Variants in DES observed in about 807,000 individuals in gnomAD.
DES encodes the protein desmin.
Under a neutral mutation model 55.1 loss-of-function variants are expected in DES, and 34 were observed. The observed-to-expected ratio is 0.62, with a 90% CI of 0.47 to 0.82. DES has a LOEUF of 0.82. Ranked by LOEUF, DES falls within the 40% of genes least tolerant of loss-of-function variation. The pLI is 0.00. For missense variants in DES, 596 were observed against 645.9 expected (o/e 0.92, Z 0.84); for synonymous variants, 259 against 270.8 (o/e 0.96, Z 0.43).
At position 219,419,924 on chromosome 2, in the gene DES, G is replaced by A; in HGVS notation, c.579-171G>A. On this transcript the variant is annotated intron_variant, in intron 1 of 8. Transcript: ENST00000373960. The surrounding 1 kb of genome is among the most constrained non-coding windows in gnomAD (Gnocchi z 4.3). Reference sequence around the variant, plus strand: ...GGGCAGAGATTGGGCCACTTCCTGTGCCCTCCCTGGGTGGGTGGGGCCTCT... The same window carrying A: ...GGGCAGAGATTGGGCCACTTCCTGTACCCTCCCTGGGTGGGTGGGGCCTCT... 1.4e-6 allele frequency: 1 copy of A among 708,770 alleles called. No individual in the cohort carries two copies. Among genetic ancestry groups the A allele is most frequent in the Non-Finnish European group, 2.6e-6 (1 of 391,406 alleles). 43.9% of individuals were successfully genotyped at this position (708,770 alleles called of 1,614,324 possible).
chr2:219,420,842 C>T lies in DES; in HGVS notation c.912C>T (p.Thr304=), dbSNP rs778826152. 2.2e-5 allele frequency: 35 copies of T among 1,613,550 alleles called. No homozygotes were observed. The East Asian group carries it at 7.8e-4, about 36-fold the overall frequency. ...TCTGCCCTTAGGTGTCAGACCTGAC[C>T]CAGGCAGCCAACAAGAACAACGACG... ...EWYKSKVSDL[T]QAANKNNDAL... is the part of the protein sequence containing the mutation. Residue 304 remains threonine (T), a synonymous_variant, in exon 5 of 9, where the codon ACC becomes ACT. Transcript: ENST00000373960. This position sits in a 1 kb window ranked among gnomAD's most constrained non-coding sequence, Gnocchi z 6.0.
In DES at chr2:219,423,814, T is replaced by G. The variant is rs758247019; in HGVS notation, c.1282T>G (p.Phe428Val). 1 of 1,613,866 alleles carries G rather than the reference T, an allele frequency of 6.2e-7. No individual in the cohort carries two copies. Among genetic ancestry groups the G allele is most frequent in the Non-Finnish European group, 8.5e-7 (1 of 1,179,828 alleles). ...LPIQTYSALN[F>V]RETSPEQRGS... The stretch of plus-strand genomic sequence containing the variant: ...CATCCAGACCTACTCTGCCCTCAAC[T>G]TCCGAGGTGAGTGTCTGCTGGCAGG... Residue 428 changes from phenylalanine (F) to valine (V), a missense_variant, in exon 7 of 9, where the codon TTC becomes GTC. Transcript: ENST00000373960.
chr2:219,420,564 G>C lies in DES; in HGVS notation c.805G>C (p.Asp269His). 1.2e-6 allele frequency: 2 copies of C among 1,613,994 alleles called. No individual in the cohort carries two copies. The highest frequency in any genetic ancestry group is 1.7e-6 in the Non-Finnish European group (2 of 1,180,004). Residue 269 changes from aspartate (D) to histidine (H), a missense_variant, in exon 4 of 9, where the codon GAC becomes CAC. Transcript: ENST00000373960. The surrounding 1 kb of genome is among the most constrained non-coding windows in gnomAD (Gnocchi z 6.0). ...VQVEMDMSKP[D>H]LTAALRDIRA... ...GGTGGAGATGGACATGTCTAAGCCAGACCTCACTGCCGCCCTCAGGGACAT... is the reference window on the plus strand; with the variant it reads ...GGTGGAGATGGACATGTCTAAGCCACACCTCACTGCCGCCCTCAGGGACAT...
At chr2:219,421,766 A>G (rs1954449521) in intron 6 of DES, among the ~76,000 whole-genome samples, 1 of 151,944 alleles carries the variant, frequency 6.6e-6, no homozygotes, top group Non-Finnish European at 1.5e-5. Context: ...TCCTGGGTTC[A>G]AGCAATTCTC....
Position 219,420,994 on chromosome 2 carries a change from T to G in DES, c.1023+41T>G. 6.2e-7 allele frequency: 1 copy of G among 1,604,048 alleles called. No homozygotes were observed. The highest frequency in any genetic ancestry group is 8.5e-7 in the Non-Finnish European group (1 of 1,176,262). On this transcript the variant is annotated intron_variant, in intron 5 of 8. Coordinates refer to ENST00000373960, the MANE Select transcript of DES (RefSeq NM_001927.4). The surrounding 1 kb of genome is among the most constrained non-coding windows in gnomAD (Gnocchi z 6.0). ...CCTGGCCAGGCCCTGCCCCTTCCTG[T>G]CTGCAGTTCACACCCTCACTTTGTG...
chr2:219,424,591 C>T (rs1954503407), intron 7 of DES, among the ~76,000 whole-genome samples: 1 of 152,228 alleles, frequency 6.6e-6, no homozygotes, highest in Non-Finnish European at 1.5e-5. Context: ...GCACCAAACT[C>T]ATAATACCAA....
chr2:219,420,507 T>G lies in DES; in HGVS notation c.748T>G (p.Leu250Val). ...KKVHEEEIRELQAQLQEQQVQ... is the reference protein window; with the variant it reads ...KKVHEEEIREVQAQLQEQQVQ... ...TCATGCCCTACAGGAGATCCGTGAG[T>G]TGCAGGCTCAGCTTCAGGAACAGCA... Residue 250 changes from leucine to valine, a missense_variant, in exon 4 of 9, where the codon TTG (leucine) becomes GTG (valine). By Grantham distance (32) the Leu-to-Val change is conservative (BLOSUM62 1). Transcript: ENST00000373960. The surrounding 1 kb of genome is among the most constrained non-coding windows in gnomAD (Gnocchi z 6.0). 6.2e-7 allele frequency: 1 copy of G among 1,613,614 alleles called. No individual in the cohort carries two copies. Among genetic ancestry groups the G allele is most frequent in the Non-Finnish European group, 8.5e-7 (1 of 1,179,926 alleles).
rs1458306248 is a variant in DES at position 219,418,927 on chromosome 2, C to T, written c.465C>T (p.Tyr155=). ...AGCCGACGCGAGTGGCCGAGCTCTA[C>T]GAGGAGGAGCTGCGGGAGCTGCGGC... ...GREPTRVAEL[Y]EEELRELRRQ... is the part of the protein sequence containing the mutation. The change falls in exon 1 of 9, where the codon TAC becomes TAT. Residue 155 remains tyrosine, a synonymous_variant. Transcript: ENST00000373960. The T allele has an allele frequency of 3.2e-6, 5 of 1,561,018 alleles. No homozygotes were observed. The highest frequency in any genetic ancestry group is 1.2e-5 in the South Asian group (1 of 84,976).
At position 219,419,708 on chromosome 2, in the gene DES, C is replaced by T. The variant is rs1332028481; in HGVS notation, c.579-387C>T. 6.6e-6 allele frequency among the ~76,000 whole-genome samples: 1 copy of T among 152,176 alleles called. No homozygotes were observed. The highest frequency in any genetic ancestry group is 1.5e-5 in the Non-Finnish European group (1 of 68,030). On this transcript the variant is annotated intron_variant, in intron 1 of 8. Transcript: ENST00000373960. The surrounding 1 kb of genome is among the most constrained non-coding windows in gnomAD (Gnocchi z 4.3). ...AGCAAGTGTAGCATATTTGTTGGTC[C>T]CACTTCTGACAGGCCAAGTGAGCAC...
In DES at chr2:219,425,954, CAGTG is replaced by C; in HGVS notation, c.1380_1383del (p.Ser460ArgfsTer30). 1 of 1,614,042 alleles carries C rather than the reference CAGTG, an allele frequency of 6.2e-7. No homozygotes were observed. The highest frequency in any genetic ancestry group is 8.5e-7 in the Non-Finnish European group (1 of 1,179,992). ...GGGCTTCTCTTCCTCCCCAGGTCGTCAGTGAGGCCACACAGCAGCAGCATGAAGT... is the reference window on the plus strand; with the variant it reads ...GGGCTTCTCTTCCTCCCCAGGTCGTCAGGCCACACAGCAGCAGCATGAAGT... On this transcript the variant is annotated frameshift_variant, in exon 9 of 9. Transcript: ENST00000373960. LOFTEE classifies it high-confidence loss of function.
At position 219,425,940 on chromosome 2, in the gene DES, C is replaced by T; in HGVS notation, c.1372-9C>T. ...CACATGGTTGGACTGGGCTTCTCTTCCTCCCCAGGTCGTCAGTGAGGCCAC... is the reference window on the plus strand; with the variant it reads ...CACATGGTTGGACTGGGCTTCTCTTTCTCCCCAGGTCGTCAGTGAGGCCAC... On this transcript the variant is annotated splice_polypyrimidine_tract_variant and intron_variant, in intron 8 of 8. Coordinates refer to ENST00000373960, the MANE Select transcript of DES (RefSeq NM_001927.4). 1 of 1,614,000 alleles carries T rather than the reference C, an allele frequency of 6.2e-7. No individual in the cohort carries two copies. Among genetic ancestry groups the T allele is most frequent in the Non-Finnish European group, 8.5e-7 (1 of 1,179,984 alleles).
chr2:219,426,352 T>C lies in DES; in HGVS notation c.*362T>C. ...TGGAGACAGCCCCAGAGCAGGGTGTTGGGATACTGCAGGGCCAGGACTGAG... is the reference window on the plus strand; with the variant it reads ...TGGAGACAGCCCCAGAGCAGGGTGTCGGGATACTGCAGGGCCAGGACTGAG... On this transcript the variant is annotated 3_prime_UTR_variant, in exon 9 of 9. Transcript: ENST00000373960. The surrounding 1 kb of genome is among the most constrained non-coding windows in gnomAD (Gnocchi z 4.5). The C allele has an allele frequency of 2.3e-6, 1 of 438,228 alleles. No individual in the cohort carries two copies. The highest frequency in any genetic ancestry group is 4.3e-6 in the Non-Finnish European group (1 of 233,792). 27.1% of individuals were successfully genotyped at this position (438,228 alleles called of 1,614,324 possible). A position where few individuals can be genotyped will look rare whatever the true frequency, so the allele number is the denominator to read the frequency against.
Position 219,418,872 on chromosome 2 carries a change from C to G in DES, c.410C>G (p.Ala137Gly). Residue 137 changes from alanine to glycine, a missense_variant, in exon 1 of 9, where the codon GCC becomes GGC. Ala to Gly is a moderately conservative substitution (Grantham distance 60). Coordinates refer to ENST00000373960, the MANE Select transcript of DES (RefSeq NM_001927.4). ...RFLEQQNAAL[A>G]AEVNRLKGRE... ...CTGGAGCAGCAGAACGCGGCGCTCG[C>G]CGCCGAAGTGAACCGGCTCAAGGGC... The G allele has an allele frequency of 6.4e-7, 1 of 1,573,932 alleles. No individual in the cohort carries two copies. Among genetic ancestry groups the G allele is most frequent in the South Asian group, 1.2e-5 (1 of 86,024 alleles).
chr2:219,423,513 C>G (rs1954480480), intron 6 of DES, among the ~76,000 whole-genome samples: 1 of 150,080 alleles, frequency 6.7e-6, no homozygotes, highest in African/African-American at 2.5e-5. Flanking sequence ...AATCTCCGCT[C>G]ACTGCAAGCT....
In DES at chr2:219,421,392, A is replaced by G; in HGVS notation, c.1076A>G (p.Glu359Gly). The G allele has an allele frequency of 6.2e-7, 1 of 1,614,160 alleles. No individual in the cohort carries two copies. Among genetic ancestry groups the G allele is most frequent in the Non-Finnish European group, 8.5e-7 (1 of 1,180,042 alleles). The change falls in exon 6 of 9, where the codon GAG becomes GGG. Residue 359 changes from glutamate to glycine, a missense_variant. Glu to Gly is a moderately conservative substitution (Grantham distance 98). Coordinates refer to ENST00000373960, the MANE Select transcript of DES (RefSeq NM_001927.4). ...MRELEDRFAS[E>G]ASGYQDNIAR... ...GAATTGGAGGACCGATTTGCCAGTG[A>G]GGCCAGTGGCTACCAGGACAACATT...
At position 219,420,986 on chromosome 2, in the gene DES, C is replaced by G. The variant is rs1461421146; in HGVS notation, c.1023+33C>G. ...CCTGCCCACCTGGCCAGGCCCTGCC[C>G]CTTCCTGTCTGCAGTTCACACCCTC... is the stretch of plus-strand genomic sequence containing the variant. On this transcript the variant is annotated intron_variant, in intron 5 of 8. Transcript: ENST00000373960. This position sits in a 1 kb window ranked among gnomAD's most constrained non-coding sequence, Gnocchi z 6.0. 6.2e-7 allele frequency: 1 copy of G among 1,607,586 alleles called. No individual in the cohort carries two copies. Among genetic ancestry groups the G allele is most frequent in the African/African-American group, 1.3e-5 (1 of 74,710 alleles).
chr2:219,425,833 G>A, intron 8 of DES, 88 bp downstream of exon 8: 1 of 1,600,576 alleles, frequency 6.2e-7, no homozygotes, highest in South Asian at 1.1e-5. Flanking sequence ...TGCTGGTCTA[G>A]GTCCCTGGCT....
At chr2:219,422,250 AG>A (rs1304978882) in intron 6 of DES, among the ~76,000 whole-genome samples, 1 of 152,034 alleles carries the variant, frequency 6.6e-6, no homozygotes, top group South Asian at 2.1e-4. Flanking sequence ...GAGGGAGAGA[AG>A]CCTTGCACAG....
At chr2:219,421,092 G>C in intron 5 of DES, 139 bp downstream of exon 5, 1 of 1,309,968 alleles carries the variant, frequency 7.6e-7, no homozygotes, top group East Asian at 2.5e-5. Flanking sequence ...AACCAGACAA[G>C]TGGATTCCAG....
Sources: gnomAD v4.1 joint callset for allele counts (sites outside exome capture counted in the v4.1 genomes callset) on GRCh38, gnomAD v4.1.1 for gene constraint, Gnocchi (gnomAD v3.1) non-coding constraint, MANE v1.5 for transcripts, NCBI Gene and HGNC (gene_info 2026-07-23, HGNC 2026-07-21) for gene names.